MEGF10: variants seen among roughly 807,000 people sequenced by gnomAD.
The protein encoded by MEGF10 is multiple epidermal growth factor-like domains protein 10.
A neutral mutation model predicts 147.5 loss-of-function variants in MEGF10; 86 were observed. That is an observed-to-expected ratio of 0.58 (90% CI 0.49 to 0.70). The LOEUF (loss-of-function observed/expected upper bound fraction) is 0.70, where lower values mean the gene tolerates loss of function less well. Ranked by LOEUF, MEGF10 falls within the 30% of genes least tolerant of loss-of-function variation. The pLI, the probability that MEGF10 is intolerant of heterozygous loss-of-function variation, is 0.00. For missense variants in MEGF10, 1,329 were observed against 1,487.3 expected, an observed-to-expected ratio of 0.89 and a Z score of 1.75; for synonymous variants, 478 against 525.5, an observed-to-expected ratio of 0.91 and a Z score of 1.24.
At chr5:127,357,592 T>C (rs1283797928) in intron 4 of MEGF10, among the ~76,000 whole-genome samples, 1 of 54,306 alleles carries the variant, frequency 1.8e-5, no homozygotes, top group African/African-American at 4.5e-5. Flanking sequence ...TGCCTCAAAA[T>C]AAATAAATAA....
chr5:127,446,805 C>T (rs1004718811), intron 20 of MEGF10, among the ~76,000 whole-genome samples: 5 of 152,144 alleles, frequency 3.3e-5, no homozygotes, highest in Non-Finnish European at 7.3e-5. Context: ...GAACCCTGAT[C>T]CTTTGATAAA....
the MEGF10 span, among the ~76,000 whole-genome samples, chr5:127,235,991 T>G: frequency 1.6e-4 from 24 of 146,314 alleles, no homozygotes; most frequent in Admixed American, 1.5e-3. Context: ...TTTTTTTTTT[T>G]GAGACAGAGT....
Position 127,422,743 on chromosome 5 carries a change from G to A in MEGF10, c.1664G>A (p.Gly555Asp). The A allele has an allele frequency of 1.2e-6, 2 of 1,614,114 alleles. No individual in the cohort carries two copies. The highest frequency in any genetic ancestry group is 1.7e-6 in the Non-Finnish European group (2 of 1,179,994). The change falls in exon 13 of 25, where the codon GGC (glycine) becomes GAC (aspartate). Residue 555 changes from glycine to aspartate, a missense_variant. Coordinates refer to ENST00000503335, the MANE Select transcript of MEGF10 (RefSeq NM_001256545.2). Reference protein sequence around the residue: ...SHADGCHPTTGHCRCLPGWSG... With the variant: ...SHADGCHPTTDHCRCLPGWSG... ...GCAGATGGCTGCCACCCTACCACGG[G>A]CCATTGCCGCTGCCTCCCCGGATGG...
chr5:127,265,755 G>T, the MEGF10 span, among the ~76,000 whole-genome samples: 2 of 151,882 alleles, frequency 1.3e-5, no homozygotes, highest in Non-Finnish European at 1.5e-5. Flanking sequence ...TTGCCCACTT[G>T]TTGATGGGGT....
intron 1 of MEGF10, chr5:127,300,130 A>G (rs1759705304): frequency 2.0e-5 from 3 of 152,128 alleles, no homozygotes; most frequent in Admixed American, 6.5e-5. Flanking sequence ...GGTTTTGCCA[A>G]TGATATAGAT....
chr5:127,301,015 G>A (rs1215891439), intron 1 of MEGF10, among the ~76,000 whole-genome samples: 2 of 152,116 alleles, frequency 1.3e-5, no homozygotes, highest in Admixed American at 1.3e-4. Context: ...AAGACTCTAT[G>A]GATTATGGAT....
At chr5:127,302,312 A>G (rs1759811731) in intron 1 of MEGF10, among the ~76,000 whole-genome samples, 1 of 152,226 alleles carries the variant, frequency 6.6e-6, no homozygotes, top group African/African-American at 2.4e-5. Flanking sequence ...AGTATGTATG[A>G]TACATGCTAC....
intron 2 of MEGF10, among the ~76,000 whole-genome samples, chr5:127,337,011 A>T (rs954010612): frequency 2.0e-5 from 3 of 152,140 alleles, no homozygotes; most frequent in African/African-American, 7.2e-5. Flanking sequence ...TGTCAACTTT[A>T]AACAATGAGA....
chr5:127,390,721 G>T (rs766301369), intron 5 of MEGF10, among the ~76,000 whole-genome samples: 37 of 152,012 alleles, frequency 2.4e-4, no homozygotes, highest in Admixed American at 1.3e-4. Context: ...TTTTTCACCA[G>T]CTGCCTATTC....
chr5:127,410,896 G>A (rs892256203), intron 9 of MEGF10, among the ~76,000 whole-genome samples: 1 of 152,214 alleles, frequency 6.6e-6, no homozygotes, highest in African/African-American at 2.4e-5. Context: ...TTTCCCTTAA[G>A]CAAGGGATTC....
chr5:127,265,705 G>A, the MEGF10 span, among the ~76,000 whole-genome samples: 1 of 152,160 alleles, frequency 6.6e-6, no homozygotes, highest in East Asian at 1.9e-4. Context: ...TCTGTTGGCT[G>A]CATAAATGTC....
At chr5:127,294,812 A>AATAATAATC (rs1387095826) in intron 1 of MEGF10, among the ~76,000 whole-genome samples, 6 of 138,634 alleles carry the variant, frequency 4.3e-5, no homozygotes, top group African/African-American at 1.6e-4. Context: ...TAATAATAAT[A>AATAATAATC]ATAATAATAA....
upstream of MEGF10, among the ~76,000 whole-genome samples, chr5:127,289,825 G>A (rs115887870): frequency 4.4e-3 from 670 of 152,312 alleles, 3 homozygotes; most frequent in African/African-American, 0.015. Context: ...CCTGGTAGGA[G>A]ATGGTTACCT....
intron 9 of MEGF10, among the ~76,000 whole-genome samples, chr5:127,417,303 A>G (rs982994553): frequency 2.0e-5 from 3 of 152,146 alleles, no homozygotes; most frequent in Admixed American, 6.5e-5. Context: ...TGTCCATTGG[A>G]TGGAGTTTTT....
upstream of MEGF10, among the ~76,000 whole-genome samples, chr5:127,288,746 T>C (rs1243281487): frequency 6.6e-6 from 1 of 152,188 alleles, no homozygotes; most frequent in African/African-American, 2.4e-5. Context: ...AAAATAATAA[T>C]GTATGTCCAC....
intron 10 of MEGF10, among the ~76,000 whole-genome samples, chr5:127,418,077 C>T (rs1202550024): frequency 6.6e-6 from 1 of 151,954 alleles, no homozygotes; most frequent in Non-Finnish European, 1.5e-5. Flanking sequence ...ATAATTATTC[C>T]TTAAGTAATT....
At chr5:127,319,443 G>A (rs946233870) in intron 1 of MEGF10, among the ~76,000 whole-genome samples, 1 of 152,022 alleles carries the variant, frequency 6.6e-6, no homozygotes, top group Non-Finnish European at 1.5e-5. Flanking sequence ...TAGTGGACTC[G>A]TCTCTATGTC....
chr5:127,440,981 A>G, intron 18 of MEGF10, 114 bp downstream of exon 18: 1 of 1,358,630 alleles, frequency 7.4e-7, no homozygotes, highest in Non-Finnish European at 1.0e-6. Flanking sequence ...GTTTGAGCTG[A>G]TGGCTGGTTA....
At chr5:127,439,762 G>C (rs185179719) in intron 17 of MEGF10, among the ~76,000 whole-genome samples, 2 of 152,306 alleles carry the variant, frequency 1.3e-5, no homozygotes, top group Admixed American at 1.3e-4. Context: ...CCAGTTGCCA[G>C]CTGTGTGACT....
Sources: allele counts gnomAD v4.1 joint callset (sites outside exome capture counted in the v4.1 genomes callset), GRCh38; gene constraint gnomAD v4.1.1; transcripts MANE v1.5; gene names NCBI Gene and HGNC (gene_info 2026-07-23, HGNC 2026-07-21).